The following GFRA3 variants were observed in gnomAD, a reference collection of about 807,000 sequenced individuals.
GFRA3 encodes the protein GDNF family receptor alpha 3, also known as GDNF family receptor alpha-3.
A neutral mutation model predicts 40.0 loss-of-function variants in GFRA3; 24 were observed. That is an observed-to-expected ratio of 0.60 (90% CI 0.43 to 0.84). The LOEUF (loss-of-function observed/expected upper bound fraction) is 0.84. GFRA3 is among the 40% of genes least tolerant of loss of function. The pLI is 0.00. For synonymous variants in GFRA3, 203 were observed against 213.5 expected, an observed-to-expected ratio of 0.95 and a Z score of 0.43; for missense variants, 405 against 530.6, an observed-to-expected ratio of 0.76 and a Z score of 2.33.
intron 2 of GFRA3, among the ~76,000 whole-genome samples, chr5:138,260,490 C>T (rs553598926): frequency 2.6e-5 from 4 of 152,150 alleles, no homozygotes; most frequent in Non-Finnish European, 5.9e-5. Flanking sequence ...AATGGGGTGC[C>T]GGGCACGGTG....
intron 2 of GFRA3, among the ~76,000 whole-genome samples, chr5:138,261,697 A>AAG (rs1755713100): frequency 6.7e-6 from 1 of 148,910 alleles, no homozygotes; most frequent in Non-Finnish European, 1.5e-5. Context: ...CTGTCTCAAA[A>AAG]AAAAAAAAAA....
chr5:138,263,343 G>C (rs1471506200), intron 2 of GFRA3, among the ~76,000 whole-genome samples: 1 of 152,204 alleles, frequency 6.6e-6, no homozygotes, highest in Non-Finnish European at 1.5e-5. Flanking sequence ...GCAGAAGGGA[G>C]AGAAATGAAT....
chr5:138,266,513 T>C (rs761720960), intron 1 of GFRA3, among the ~76,000 whole-genome samples: 18 of 152,166 alleles, frequency 1.2e-4, no homozygotes, highest in South Asian at 4.1e-4. Context: ...CACAGAAAAG[T>C]ACATGAATCA....
At chr5:138,270,371 C>CA (rs776243779) in intron 1 of GFRA3, among the ~76,000 whole-genome samples, 4,735 of 76,226 alleles carry the variant, frequency 0.062, 100 homozygotes, top group African/African-American at 0.076. Flanking sequence ...GACTCCGTCT[C>CA]AAAAAAAAAA....
intron 4 of GFRA3, 81 bp downstream of exon 4, chr5:138,257,558 C>G (rs1013577890): frequency 1.0e-5 from 13 of 1,263,062 alleles, no homozygotes; most frequent in Non-Finnish European, 1.4e-5. Flanking sequence ...GAGGGTCAGA[C>G]CCTGCTCAGC....
At chr5:138,266,168 T>A (rs552207946) in intron 1 of GFRA3, among the ~76,000 whole-genome samples, 11 of 152,362 alleles carry the variant, frequency 7.2e-5, no homozygotes, top group African/African-American at 2.4e-4. Context: ...ACCTGTTTTT[T>A]GTTCTTTGGG....
Position 138,257,888 on chromosome 5 carries a change from C to A in GFRA3, c.536G>T (p.Arg179Leu), listed in dbSNP as rs760483590. ...CTLNDKCDRLRKAYGEACSGP... is the reference protein window; with the variant it reads ...CTLNDKCDRLLKAYGEACSGP... The stretch of plus-strand genomic sequence containing the variant: ...GGAGCACGCCTCCCCGTAGGCCTTG[C>A]GCAGCCGGTCACACTTGTCATTGAG... The change falls in exon 4 of 8, where the codon CGC becomes CTC. Residue 179 changes from arginine (R) to leucine (L), a missense_variant. Arg to Leu is a moderately radical substitution (Grantham distance 102). Coordinates refer to ENST00000274721, the MANE Select transcript of GFRA3 (RefSeq NM_001496.4). 3.1e-6 allele frequency: 5 copies of A among 1,613,978 alleles called. No homozygotes were observed. Among genetic ancestry groups the A allele is most frequent in the Admixed American group, 1.7e-5 (1 of 60,012 alleles).
At chr5:138,257,117 C>G (rs1273434529) in intron 4 of GFRA3, among the ~76,000 whole-genome samples, 1 of 152,070 alleles carries the variant, frequency 6.6e-6, no homozygotes, top group East Asian at 1.9e-4. Context: ...TTACAGGGGA[C>G]TAAACGGAAC....
At position 138,269,549 on chromosome 5, in the gene GFRA3, A is replaced by C. The variant is rs576968614; in HGVS notation, c.91+4785T>G. 4.1e-4 allele frequency among the ~76,000 whole-genome samples: 61 copies of C among 150,574 alleles called. 1 individual carries two copies. Among genetic ancestry groups the C allele is most frequent in the South Asian group, 3.0e-3 (14 of 4,734 alleles). ...GAAACTCTGTCTGAAAAAAAAAAAA[A>C]CAAAAAACAACAAGCCAGACGCAGT... On this transcript the variant is annotated intron_variant, in intron 1 of 7. Coordinates refer to ENST00000274721, the MANE Select transcript of GFRA3 (RefSeq NM_001496.4).
Position 138,252,635 on chromosome 5 carries a change from G to C in GFRA3, c.*333C>G. 4.8e-6 allele frequency: 1 copy of C among 210,008 alleles called. No homozygotes were observed. Among genetic ancestry groups the C allele is most frequent in the Non-Finnish European group, 9.7e-6 (1 of 103,538 alleles). The allele number at this position is 210,008 out of a possible 1,614,324, so 13.0% of individuals were successfully genotyped here. On this transcript the variant is annotated 3_prime_UTR_variant, in exon 8 of 8. Coordinates refer to ENST00000274721, the MANE Select transcript of GFRA3 (RefSeq NM_001496.4). ...GTCCTCCCTACCCTAACCCTAATCT[G>C]GAATGCAATAGAGAATGGCTAACTT...
chr5:138,274,407 G>A lies in GFRA3; in HGVS notation c.18C>T (p.Asn6=), dbSNP rs1755920341. The part of the protein sequence containing the change: MVRPL[N]PRPLPPVVLM... ...GGACTACGGGCGGCAGCGGTCGCGG[G>A]TTCAGGGGGCGCACCATGGCGAGCT... The change falls in exon 1 of 8, where the codon AAC becomes AAT. Residue 6 remains asparagine (N), a synonymous_variant. Coordinates refer to ENST00000274721, the MANE Select transcript of GFRA3 (RefSeq NM_001496.4). The A allele has an allele frequency of 1.5e-6, 2 of 1,314,348 alleles. No homozygotes were observed. Among genetic ancestry groups the A allele is most frequent in the East Asian group, 3.1e-5 (1 of 32,384 alleles). The allele number at this position is 1,314,348 out of a possible 1,614,324, so 81.4% of individuals were successfully genotyped here. A position where few individuals can be genotyped will look rare whatever the true frequency, so the allele number is the denominator to read the frequency against.
At chr5:138,265,745 A>G (rs573328759) in intron 1 of GFRA3, among the ~76,000 whole-genome samples, 1 of 152,042 alleles carries the variant, frequency 6.6e-6, no homozygotes, top group South Asian at 2.1e-4. Flanking sequence ...CCCAGGCTGG[A>G]GTGCAGTGGC....
intron 1 of GFRA3, among the ~76,000 whole-genome samples, chr5:138,272,362 G>A (rs1371914653): frequency 2.7e-5 from 4 of 150,152 alleles, no homozygotes; most frequent in African/African-American, 4.9e-5. Context: ...ATTTTAGGCC[G>A]GGTGCGGTGG....
Position 138,254,147 on chromosome 5 carries a change from C to A in GFRA3, c.799G>T (p.Asp267Tyr), listed in dbSNP as rs762307930. The change falls in exon 5 of 8, where the codon GAT becomes TAT. Residue 267 changes from aspartate to tyrosine, a missense_variant. By Grantham distance (160) the Asp-to-Tyr change is radical. Coordinates refer to ENST00000274721, the MANE Select transcript of GFRA3 (RefSeq NM_001496.4). ...SDPLCRSRLV[D>Y]FQTHCHPMDI... Reference sequence around the variant, plus strand: ...ATGGGATGGCAGTGGGTCTGGAAATCCACCAGGCGTGATCTGGAAGAAGGG... The same window carrying A: ...ATGGGATGGCAGTGGGTCTGGAAATACACCAGGCGTGATCTGGAAGAAGGG... The A allele has an allele frequency of 2.1e-5, 34 of 1,599,244 alleles. No homozygotes were observed. The highest frequency in any genetic ancestry group is 2.7e-5 in the Non-Finnish European group (32 of 1,166,576).
chr5:138,259,601 T>A lies in GFRA3; in HGVS notation c.428A>T (p.Lys143Ile). The change falls in exon 3 of 8, where the codon AAA (lysine) becomes ATA (isoleucine). Residue 143 changes from lysine (K) to isoleucine (I), a missense_variant. Lys to Ile is a moderately radical substitution (Grantham distance 102, BLOSUM62 -3). Transcript: ENST00000274721. ...VSPYEDTVTS[K>I]PWKMNLSKLN... is the part of the protein sequence containing the mutation. ...TTTGCTGAGATTCATTTTCCAGGGT[T>A]TGCTGGTCACTGTGTCTTCATAGGG... 6.4e-7 allele frequency: 1 copy of A among 1,574,070 alleles called. No individual in the cohort carries two copies. The highest frequency in any genetic ancestry group is 8.7e-7 in the Non-Finnish European group (1 of 1,143,404).
Position 138,264,223 on chromosome 5 carries a change from C to T in GFRA3, c.379+38G>A, listed in dbSNP as rs1581511422. ...TTAAAAAACAACCCCCAAGAGCCATCTTCCCCAGCTTAGTCCACTCTATAA... is the reference window on the plus strand; with the variant it reads ...TTAAAAAACAACCCCCAAGAGCCATTTTCCCCAGCTTAGTCCACTCTATAA... On this transcript the variant is annotated intron_variant, in intron 2 of 7. Transcript: ENST00000274721. 2.0e-6 allele frequency: 3 copies of T among 1,511,146 alleles called. No individual in the cohort carries two copies. The East Asian group carries it at 6.9e-5, about 35-fold the overall frequency. 93.6% of individuals were successfully genotyped at this position (1,511,146 alleles called of 1,614,324 possible).
chr5:138,258,720 T>G (rs549132109), intron 3 of GFRA3, among the ~76,000 whole-genome samples: 1 of 152,352 alleles, frequency 6.6e-6, no homozygotes, highest in African/African-American at 2.4e-5. Context: ...TTTAGGTTTC[T>G]GGTTTGGTTT....
chr5:138,253,736 AGGGGCT>A, intron 6 of GFRA3, 24 bp downstream of exon 6: 1 of 1,605,298 alleles, frequency 6.2e-7, no homozygotes, highest in African/African-American at 1.3e-5. Context: ...ACTCAGCCCC[AGGGGCT>A]GGGAGCAAGT....
chr5:138,257,592 T>C (rs1755649533), intron 4 of GFRA3, 47 bp downstream of exon 4: 3 of 1,503,088 alleles, frequency 2.0e-6, no homozygotes, highest in Non-Finnish European at 9.0e-7. Context: ...CAGGAAGGAG[T>C]GGCGTGTGCC....
Sources: allele counts gnomAD v4.1 joint callset (sites outside exome capture counted in the v4.1 genomes callset), GRCh38; gene constraint gnomAD v4.1.1; transcripts MANE v1.5; gene names NCBI Gene and HGNC (gene_info 2026-07-23, HGNC 2026-07-21).